Variants in LTBP1 observed in about 807,000 individuals in gnomAD.
The protein encoded by LTBP1 is latent-transforming growth factor beta-binding protein 1.
LTBP1 carries 129 observed loss-of-function variants against 207.6 expected under a neutral mutation model. The observed-to-expected ratio is 0.62, with a 90% CI of 0.54 to 0.72. The LOEUF (loss-of-function observed/expected upper bound fraction) is 0.72. Ranked by LOEUF, LTBP1 falls within the 30% of genes least tolerant of loss-of-function variation. The probability of loss-of-function intolerance (pLI) is 0.00; values close to 1 mark genes in which losing one functional copy is unlikely to be tolerated. For missense variants in LTBP1, 2,281 were observed against 2,217.2 expected, an observed-to-expected ratio of 1.03 and a Z score of -0.58; for synonymous variants, 963 against 833.7, an observed-to-expected ratio of 1.16 and a Z score of -2.67.
chr2:33,262,895 G>A, intron 14 of LTBP1, 74 bp downstream of exon 14: 2 of 1,042,266 alleles, frequency 1.9e-6, no homozygotes, highest in Non-Finnish European at 2.9e-6. Context: ...TTTTGTCTTT[G>A]ACTTTGTGTA....
At chr2:33,293,617 G>T (rs960772364) in intron 20 of LTBP1, among the ~76,000 whole-genome samples, 3 of 152,028 alleles carry the variant, frequency 2.0e-5, no homozygotes, top group Non-Finnish European at 1.5e-5. Context: ...ATTTTAAATG[G>T]AATTGTATAG....
rs2091983873 is a variant in LTBP1, at chr2:33,235,209, A to G, written c.1877-8453A>G. The stretch of plus-strand genomic sequence containing the variant: ...GAACTTAAGCAAATTTACATGAAAA[A>G]AATCAAACAACTCCATCAAAAAGTA... On this transcript the variant is annotated intron_variant, in intron 9 of 33. Coordinates refer to ENST00000404816, the MANE Select transcript of LTBP1 (RefSeq NM_206943.4). Among the ~76,000 whole-genome samples the G allele has an allele frequency of 2.0e-5, 3 of 152,200 alleles. No homozygotes were observed. In the South Asian group the frequency reaches 6.2e-4, roughly 32 times the overall value.
intron 24 of LTBP1, among the ~76,000 whole-genome samples, chr2:33,325,262 G>T (rs1165569293): frequency 2.0e-5 from 3 of 152,160 alleles, no homozygotes; most frequent in African/African-American, 7.2e-5. Flanking sequence ...TCTATTTTCT[G>T]TGGTTTTATA....
chr2:33,339,666 A>G (rs1490251650), intron 24 of LTBP1, among the ~76,000 whole-genome samples: 2 of 150,284 alleles, frequency 1.3e-5, no homozygotes, highest in African/African-American at 4.9e-5. Flanking sequence ...TTTTTTTGAG[A>G]CGGAGTTTCG....
intron 3 of LTBP1, among the ~76,000 whole-genome samples, chr2:33,088,853 G>C (rs2078907375): frequency 6.6e-6 from 1 of 151,986 alleles, no homozygotes; most frequent in Non-Finnish European, 1.5e-5. Context: ...AAAAGTAGTT[G>C]TGCATTGAAA....
intron 7 of LTBP1, among the ~76,000 whole-genome samples, chr2:33,190,683 C>T (rs1307122906): frequency 1.3e-5 from 2 of 152,052 alleles, no homozygotes; most frequent in Non-Finnish European, 2.9e-5. Flanking sequence ...TATTATAGAA[C>T]GATGCAAATA....
chr2:33,203,378 C>T (rs927897683), intron 7 of LTBP1, among the ~76,000 whole-genome samples: 4 of 152,154 alleles, frequency 2.6e-5, no homozygotes, highest in African/African-American at 7.2e-5. Context: ...GAGAACTGCT[C>T]GTTTTACTTG....
At position 33,020,765 on chromosome 2, in the gene LTBP1, A is replaced by G. The variant is rs1178579601; in HGVS notation, c.566-144A>G. On this transcript the variant is annotated intron_variant, in intron 2 of 33. Coordinates refer to ENST00000404816, the MANE Select transcript of LTBP1 (RefSeq NM_206943.4). The stretch of plus-strand genomic sequence containing the variant: ...AGCTCTCTTCCCCCTCCTCCGCCCA[A>G]CTGCCCCACCTTCCTCCTTATGAGT... 3.3e-5 allele frequency: 24 copies of G among 729,688 alleles called. No individual in the cohort carries two copies. The Admixed American group carries it at 4.2e-4, about 13-fold the overall frequency. 45.2% of individuals were successfully genotyped at this position (729,688 alleles called of 1,614,324 possible).
intron 7 of LTBP1, among the ~76,000 whole-genome samples, chr2:33,190,839 C>T (rs929454383): frequency 7.9e-5 from 12 of 152,260 alleles, no homozygotes; most frequent in South Asian, 6.2e-4. Context: ...ACCTGAAATG[C>T]GACTACAGGG....
chr2:33,026,428 A>T (rs1223947778), intron 3 of LTBP1, among the ~76,000 whole-genome samples: 1 of 152,212 alleles, frequency 6.6e-6, no homozygotes, highest in Non-Finnish European at 1.5e-5. Context: ...TAGAGAAAAT[A>T]AGTGTTAATA....
chr2:33,090,073 CT>C (rs1333744771), intron 3 of LTBP1, among the ~76,000 whole-genome samples: 3 of 152,202 alleles, frequency 2.0e-5, no homozygotes, highest in African/African-American at 7.2e-5. Flanking sequence ...ACCTACTAGA[CT>C]TTTACATTTA....
intron 3 of LTBP1, among the ~76,000 whole-genome samples, chr2:33,065,283 AT>A (rs1310366863): frequency 6.6e-6 from 1 of 152,178 alleles, no homozygotes; most frequent in African/African-American, 2.4e-5. Context: ...GAGGTGAGGC[AT>A]GGTGGTTATA....
chr2:33,356,069 A>G (rs575688543), intron 26 of LTBP1, among the ~76,000 whole-genome samples: 1 of 152,190 alleles, frequency 6.6e-6, no homozygotes, highest in East Asian at 1.9e-4. Flanking sequence ...AATCACCGAG[A>G]CCACAAGTAT....
At chr2:32,988,836 C>T (rs1683985603) in intron 2 of LTBP1, among the ~76,000 whole-genome samples, 2 of 152,140 alleles carry the variant, frequency 1.3e-5, no homozygotes, top group South Asian at 4.1e-4. Flanking sequence ...ATGTAATTAT[C>T]CATATAGGAT....
intron 31 of LTBP1, among the ~76,000 whole-genome samples, chr2:33,374,544 A>G (rs1289734591): frequency 3.3e-5 from 5 of 152,236 alleles, no homozygotes; most frequent in Admixed American, 3.3e-4. Flanking sequence ...CACAGAGAAT[A>G]TCTATAAAAC....
intron 5 of LTBP1, among the ~76,000 whole-genome samples, chr2:33,175,449 A>G (rs1309676003): frequency 1.3e-5 from 2 of 152,180 alleles, no homozygotes; most frequent in African/African-American, 2.4e-5. Flanking sequence ...CAAAACCACA[A>G]TGAGATACCA....
chr2:33,015,969 C>T (rs1372327709), intron 2 of LTBP1, among the ~76,000 whole-genome samples: 1 of 152,102 alleles, frequency 6.6e-6, no homozygotes. Flanking sequence ...GAACTCTGCC[C>T]CATAGTCCAG....
intron 15 of LTBP1, among the ~76,000 whole-genome samples, chr2:33,264,962 C>A (rs1488329344): frequency 8.3e-6 from 1 of 120,756 alleles, no homozygotes; most frequent in East Asian, 1.9e-4. Flanking sequence ...AAGTTCCAGT[C>A]TGAGTCTGAG....
At chr2:33,294,745 A>G (rs2093841857) in intron 20 of LTBP1, among the ~76,000 whole-genome samples, 1 of 151,650 alleles carries the variant, frequency 6.6e-6, no homozygotes, top group African/African-American at 2.4e-5. Context: ...TGCCCAGCTA[A>G]TTTTTGTATT....
Sources: allele counts gnomAD v4.1 joint callset (sites outside exome capture counted in the v4.1 genomes callset), GRCh38; gene constraint gnomAD v4.1.1; transcripts MANE v1.5; gene names NCBI Gene and HGNC (gene_info 2026-07-23, HGNC 2026-07-21).